Variants in WDR19 observed in about 807,000 individuals in gnomAD.
WDR19 encodes the protein WD repeat domain 19.
WDR19 carries 121 observed loss-of-function variants against 180.0 expected under a neutral mutation model. The observed-to-expected ratio is 0.67, with a 90% CI of 0.58 to 0.78. The LOEUF is 0.78. Ranked by LOEUF, WDR19 falls within the 30% of genes least tolerant of loss-of-function variation. WDR19 has a pLI of 0.00. For synonymous variants in WDR19, 497 were observed against 540.7 expected (o/e 0.92, Z 1.12); for missense variants, 1,450 against 1,640.7 (o/e 0.88, Z 2.01).
chr4:39,278,504 A>G (rs777069417), intron 35 of WDR19, 35 bp from the exon 36 acceptor site: 5 of 1,539,046 alleles, frequency 3.2e-6, no homozygotes, highest in East Asian at 2.3e-5. Flanking sequence ...AATGTTATAT[A>G]TTTAATTTAC....
At chr4:39,252,528 A>T (rs879260080) in intron 24 of WDR19, among the ~76,000 whole-genome samples, 33 of 152,132 alleles carry the variant, frequency 2.2e-4, no homozygotes, top group Non-Finnish European at 4.1e-4. Flanking sequence ...TAATAAAAAA[A>T]AATTAAAAAA....
intron 17 of WDR19, among the ~76,000 whole-genome samples, 185 bp downstream of exon 17, chr4:39,228,875 G>C (rs776136599): frequency 1.3e-5 from 2 of 151,552 alleles, no homozygotes; most frequent in Non-Finnish European, 2.9e-5. Flanking sequence ...ATATGGTGAA[G>C]TCTGGGCTTT....
chr4:39,264,199 G>A (rs929990499), intron 28 of WDR19, among the ~76,000 whole-genome samples: 3 of 152,076 alleles, frequency 2.0e-5, no homozygotes, highest in African/African-American at 7.2e-5. Flanking sequence ...ATCTGCCCAC[G>A]ATCACATGGG....
intron 5 of WDR19, among the ~76,000 whole-genome samples, chr4:39,198,602 G>A (rs1274033524): frequency 4.1e-5 from 6 of 146,816 alleles, no homozygotes; most frequent in Admixed American, 1.4e-4. Context: ...ACGGTGACTC[G>A]CGCCTGTAAT....
At chr4:39,194,701 C>A in intron 5 of WDR19, 42 bp downstream of exon 5, 3 of 1,432,454 alleles carry the variant, frequency 2.1e-6, no homozygotes, top group South Asian at 1.2e-5. Context: ...TTGAGATGCT[C>A]TACCTCAATG....
At chr4:39,240,727 G>A (rs1359122511) in intron 21 of WDR19, among the ~76,000 whole-genome samples, 2 of 151,988 alleles carry the variant, frequency 1.3e-5, no homozygotes, top group Admixed American at 6.6e-5. Flanking sequence ...CAAGGTGGGC[G>A]GATCACAAGG....
At chr4:39,204,505 T>C (rs1006891401) in intron 7 of WDR19, among the ~76,000 whole-genome samples, 1 of 152,340 alleles carries the variant, frequency 6.6e-6, no homozygotes, top group Admixed American at 6.5e-5. Flanking sequence ...GTTCTTTGTT[T>C]CCTAAAAACC....
intron 3 of WDR19, 29 bp downstream of exon 3, chr4:39,186,633 C>T: frequency 6.8e-7 from 1 of 1,468,300 alleles, no homozygotes; most frequent in Non-Finnish European, 9.2e-7. Context: ...TTAAAAAAAC[C>T]TGTCAAGTTT....
At chr4:39,203,407 G>T (rs1727583289) in intron 6 of WDR19, among the ~76,000 whole-genome samples, 1 of 152,042 alleles carries the variant, frequency 6.6e-6, no homozygotes, top group African/African-American at 2.4e-5. Context: ...GTTTTAGTGT[G>T]ATCTTTGCTG....
chr4:39,203,319 A>G (rs1454618095), intron 6 of WDR19, among the ~76,000 whole-genome samples: 1 of 152,054 alleles, frequency 6.6e-6, no homozygotes, highest in East Asian at 1.9e-4. Flanking sequence ...ACTCAAGCCA[A>G]AACAAATGGA....
rs1372390276 is a variant in WDR19, at chr4:39,253,914, T to A, written c.2885T>A (p.Leu962Gln). The A allele has an allele frequency of 1.3e-6, 2 of 1,598,286 alleles. No individual in the cohort carries two copies. Among genetic ancestry groups the A allele is most frequent in the Admixed American group, 3.4e-5 (2 of 58,174 alleles). Residue 962 changes from leucine to glutamine, a missense_variant, in exon 26 of 37, where the codon CTA (leucine) becomes CAA (glutamine). Transcript: ENST00000399820. ...DGAKMVARFF[L>Q]QLGDYGSAIQ... ...AAAGTACTTTGCTTTAGGTTTTTTCTACAGCTTGGTGACTATGGGTCTGCC... is the reference window on the plus strand; with the variant it reads ...AAAGTACTTTGCTTTAGGTTTTTTCAACAGCTTGGTGACTATGGGTCTGCC...
rs115335610 is a variant in WDR19, at chr4:39,274,910, G to C, written c.3668G>C (p.Arg1223Pro). 6.2e-7 allele frequency: 1 copy of C among 1,614,014 alleles called. No homozygotes were observed. The highest frequency in any genetic ancestry group is 8.5e-7 in the Non-Finnish European group (1 of 1,179,896). Residue 1223 changes from arginine (R) to proline (P), a missense_variant, in exon 33 of 37, where the codon CGC (arginine) becomes CCC (proline). Coordinates refer to ENST00000399820, the MANE Select transcript of WDR19 (RefSeq NM_025132.4). ...GCTATGTTGATGAGGCCTGAATACC[G>C]CAGCAAAATAGATGCCAAATACAAA... ...FAAMLMRPEYRSKIDAKYKKK... is the reference protein window; with the variant it reads ...FAAMLMRPEYPSKIDAKYKKK...
chr4:39,220,560 A>ATT (rs142037096), intron 14 of WDR19, among the ~76,000 whole-genome samples: 18,952 of 64,430 alleles, frequency 0.29, 6,654 homozygotes, highest in Non-Finnish European at 0.3. Flanking sequence ...GACCTCCTTG[A>ATT]TTTTTTTTTT....
chr4:39,220,762 C>T (rs1729604053), intron 14 of WDR19, among the ~76,000 whole-genome samples: 2 of 150,788 alleles, frequency 1.3e-5, no homozygotes, highest in African/African-American at 4.8e-5. Flanking sequence ...CCCGCCTCAG[C>T]CTCCCAAAGT....
At chr4:39,263,751 C>A (rs1318280665) in intron 28 of WDR19, among the ~76,000 whole-genome samples, 1 of 151,956 alleles carries the variant, frequency 6.6e-6, no homozygotes, top group Non-Finnish European at 1.5e-5. Flanking sequence ...ATGGAGAAAC[C>A]CCATCTCTAC....
At chr4:39,248,550 A>G (rs983859023) in intron 24 of WDR19, among the ~76,000 whole-genome samples, 6 of 152,258 alleles carry the variant, frequency 3.9e-5, no homozygotes, top group African/African-American at 1.2e-4. Flanking sequence ...TAAAAGGCAC[A>G]GACTGGCAAA....
chr4:39,272,528 T>C (rs561347019), intron 31 of WDR19, among the ~76,000 whole-genome samples: 38 of 152,350 alleles, frequency 2.5e-4, no homozygotes, highest in Non-Finnish European at 3.7e-4. Flanking sequence ...CACCCCTCGA[T>C]GTGTCACTGA....
intron 6 of WDR19, among the ~76,000 whole-genome samples, chr4:39,201,846 A>G (rs1727406662): frequency 6.6e-6 from 1 of 152,176 alleles, no homozygotes; most frequent in South Asian, 2.1e-4. Context: ...TTCATTTCTA[A>G]TCCTTAAGAA....
rs898253892 is a variant in WDR19 at position 39,285,577 on chromosome 4, A to T, written c.*104A>T. ...AGACGGTCCTTTCTGGATACAGAGA[A>T]ATGAAACAACGGTGACCTCTCCAGG... On this transcript the variant is annotated 3_prime_UTR_variant, in exon 37 of 37. Coordinates refer to ENST00000399820, the MANE Select transcript of WDR19 (RefSeq NM_025132.4). 1 of 152,210 alleles carries T rather than the reference A, an allele frequency of 6.6e-6. No individual in the cohort carries two copies. The highest frequency in any genetic ancestry group is 6.5e-5 in the Admixed American group (1 of 15,274). 9.4% of individuals were successfully genotyped at this position (152,210 alleles called of 1,614,324 possible). A position where few individuals can be genotyped will look rare whatever the true frequency, so the allele number is the denominator to read the frequency against.
Sources: allele counts gnomAD v4.1 joint callset (sites outside exome capture counted in the v4.1 genomes callset), GRCh38; gene constraint gnomAD v4.1.1; transcripts MANE v1.5; gene names NCBI Gene and HGNC (gene_info 2026-07-23, HGNC 2026-07-21).